FBXL3: variants seen among roughly 807,000 people sequenced by gnomAD.
The protein encoded by FBXL3 is F-box and leucine rich repeat protein 3.
Under a neutral mutation model 37.9 loss-of-function variants are expected in FBXL3, and 14 were observed. The observed-to-expected ratio is 0.37, with a 90% confidence interval of 0.24 to 0.58. FBXL3 has a LOEUF of 0.58. Ranked by LOEUF, FBXL3 falls within the 20% of genes least tolerant of loss-of-function variation. FBXL3 has a pLI of 0.74. For synonymous variants in FBXL3, 194 were observed against 180.1 expected, an observed-to-expected ratio of 1.08 and a Z score of -0.62; for missense variants, 327 against 511.1, an observed-to-expected ratio of 0.64 and a Z score of 3.47.
Position 77,021,520 on chromosome 13 carries a change from C to G in FBXL3, c.341G>C (p.Ser114Thr), listed in dbSNP as rs2034743342. The change falls in exon 2 of 5, where the codon AGC (serine) becomes ACC (threonine). Residue 114 changes from serine (S) to threonine (T), a missense_variant. Physicochemically the swap from Ser to Thr is moderately conservative, Grantham distance 58 (BLOSUM62 1). Transcript: ENST00000355619. ...AAGGATTTAAAATATTACCTTGAAGCTGACATATTGTAGATGGTTTGAATG... is the reference window on the plus strand; with the variant it reads ...AAGGATTTAAAATATTACCTTGAAGGTGACATATTGTAGATGGTTTGAATG... ...KRHSNHLQYVSFKVDSSKESA... is the reference protein window; with the variant it reads ...KRHSNHLQYVTFKVDSSKESA... 3 of 1,601,320 alleles carry G rather than the reference C, an allele frequency of 1.9e-6. No homozygotes were observed. The South Asian group carries it at 3.3e-5, about 18-fold the overall frequency.
At chr13:77,023,435 AATT>A (rs1409793035) in intron 1 of FBXL3, among the ~76,000 whole-genome samples, 1 of 152,146 alleles carries the variant, frequency 6.6e-6, no homozygotes, top group Non-Finnish European at 1.5e-5. Flanking sequence ...AGACTCACTG[AATT>A]ATTATAGTAA....
At chr13:77,020,436 GGGA>G (rs950328139) in intron 2 of FBXL3, among the ~76,000 whole-genome samples, 1 of 152,236 alleles carries the variant, frequency 6.6e-6, no homozygotes, top group African/African-American at 2.4e-5. Flanking sequence ...GGACAGACAT[GGGA>G]GAATAAGCAG....
chr13:77,021,646 A>G lies in FBXL3; in HGVS notation c.215T>C (p.Met72Thr), dbSNP rs1285430756. ...TTCAAAACATCTCCACAAGTCAGGC[A>G]TGTGAAATACCTGGTTCCAGTTGCG... is the stretch of plus-strand genomic sequence containing the variant. ...VCRNWNQVFHMPDLWRCFEFE... is the reference protein window; with the variant it reads ...VCRNWNQVFHTPDLWRCFEFE... Residue 72 changes from methionine to threonine, a missense_variant, in exon 2 of 5, where the codon ATG becomes ACG. Coordinates refer to ENST00000355619, the MANE Select transcript of FBXL3 (RefSeq NM_012158.4). 4.3e-6 allele frequency: 7 copies of G among 1,614,172 alleles called. No individual in the cohort carries two copies. Among genetic ancestry groups the G allele is most frequent in the Non-Finnish European group, 5.9e-6 (7 of 1,180,024 alleles).
rs1306236878 is a variant in FBXL3 at position 77,021,962 on chromosome 13, A to C, written c.-1-101T>G. 3.2e-6 allele frequency: 3 copies of C among 936,002 alleles called. No homozygotes were observed. The African/African-American group carries it at 4.9e-5, about 15-fold the overall frequency. The allele number at this position is 936,002 out of a possible 1,614,324, so 58.0% of individuals were successfully genotyped here. On this transcript the variant is annotated intron_variant, in intron 1 of 4. Coordinates refer to ENST00000355619, the MANE Select transcript of FBXL3 (RefSeq NM_012158.4). ...CACTGAGATGTGTGTTTATATACACAAACATGCAGGAAAAACTGGATCAGT... is the reference window on the plus strand; with the variant it reads ...CACTGAGATGTGTGTTTATATACACCAACATGCAGGAAAAACTGGATCAGT...
At chr13:77,015,603 T>A (rs1249251716) in intron 3 of FBXL3, 23 bp from the exon 4 acceptor site, 2 of 1,439,034 alleles carry the variant, frequency 1.4e-6, no homozygotes, top group East Asian at 2.6e-5. Context: ...AAAAATAAAA[T>A]AAAAATTATT....
At chr13:77,016,305 G>A (rs1193947027) in intron 3 of FBXL3, 1 of 152,174 alleles carries the variant, frequency 6.6e-6, no homozygotes, top group Admixed American at 6.5e-5. Flanking sequence ...AGGAATCAAT[G>A]TAGGCAAACA....
intron 1 of FBXL3, among the ~76,000 whole-genome samples, chr13:77,024,045 G>C (rs1299269306): frequency 6.6e-6 from 1 of 152,160 alleles, no homozygotes; most frequent in Non-Finnish European, 1.5e-5. Flanking sequence ...GAACAAGAGA[G>C]AAAATAGAAT....
At chr13:77,023,054 T>C (rs984643098) in intron 1 of FBXL3, among the ~76,000 whole-genome samples, 6 of 152,166 alleles carry the variant, frequency 3.9e-5, no homozygotes, top group African/African-American at 1.4e-4. Context: ...AGGAAAGCAG[T>C]CCAGCATTAA....
chr13:77,022,336 G>T (rs1350192204), intron 1 of FBXL3, among the ~76,000 whole-genome samples: 2 of 152,116 alleles, frequency 1.3e-5, no homozygotes, highest in East Asian at 3.9e-4. Flanking sequence ...TCTATACAGG[G>T]GTCCTGTGGT....
chr13:77,020,605 G>GGTTT (rs11435764), intron 2 of FBXL3, among the ~76,000 whole-genome samples: 11 of 149,380 alleles, frequency 7.4e-5, no homozygotes, highest in African/African-American at 2.7e-4. Context: ...TTCATGCATT[G>GGTTT]TTTTTTTTTT....
In FBXL3 at chr13:77,021,784, GTCC is replaced by G. The variant is rs779463445; in HGVS notation, c.74_76del (p.Arg25del). The G allele has an allele frequency of 1.2e-6, 2 of 1,613,704 alleles. No homozygotes were observed. The highest frequency in any genetic ancestry group is 4.5e-5 in the East Asian group (2 of 44,882). On this transcript the variant is annotated inframe_deletion, in exon 2 of 5. Transcript: ENST00000355619. ...ACAAGTCTGAGAATGCTCATTTGTA[GTCC>G]TCAGTTTCTTGGATTTCTCTGCAGT...
chr13:77,015,295 A>G, intron 4 of FBXL3, 114 bp downstream of exon 4: 1 of 656,918 alleles, frequency 1.5e-6, no homozygotes, highest in Admixed American at 3.5e-5. Context: ...AAATATTTTA[A>G]AGAGATGAAG....
Position 77,010,656 on chromosome 13 carries a change from C to T in FBXL3, c.644-2868G>A, listed in dbSNP as rs79436299. 1.1e-4 allele frequency: 16 copies of T among 152,348 alleles called. No individual in the cohort carries two copies. The East Asian group carries it at 3.1e-3, about 29-fold the overall frequency. The allele number at this position is 152,348 out of a possible 1,614,324, so 9.4% of individuals were successfully genotyped here. A position where few individuals can be genotyped will look rare whatever the true frequency, so the allele number is the denominator to read the frequency against. On this transcript the variant is annotated intron_variant, in intron 4 of 4. Coordinates refer to ENST00000355619, the MANE Select transcript of FBXL3 (RefSeq NM_012158.4). The stretch of plus-strand genomic sequence containing the variant: ...CAGCCTCTAAGAGCAGAAAGACCCC[C>T]TAACAGCCTCCTGCTGACAGCCAAT...
intron 4 of FBXL3, 89 bp from the exon 5 acceptor site, chr13:77,007,877 TCA>T (rs2034480998): frequency 9.9e-6 from 11 of 1,115,092 alleles, no homozygotes; most frequent in Non-Finnish European, 1.4e-5. Context: ...CAAAAGTTTG[TCA>T]CAGTTCCCTT....
chr13:77,022,522 C>T (rs573868304), intron 1 of FBXL3, among the ~76,000 whole-genome samples: 4 of 152,254 alleles, frequency 2.6e-5, no homozygotes, highest in Non-Finnish European at 5.9e-5. Flanking sequence ...ACTCTTAATG[C>T]CTGATGATCT....
At position 77,024,858 on chromosome 13, in the gene FBXL3, T is replaced by C. The variant is rs112233298; in HGVS notation, c.-2+1969A>G. Reference sequence around the variant, plus strand: ...GTTACAATTATAGTGCATTAAGCAATTGAAAAAAATGTAAGGCCAAATTCC... The same window carrying C: ...GTTACAATTATAGTGCATTAAGCAACTGAAAAAAATGTAAGGCCAAATTCC... On this transcript the variant is annotated intron_variant, in intron 1 of 4. Transcript: ENST00000355619. Among the ~76,000 whole-genome samples, 22 of 152,286 alleles carry C rather than the reference T, an allele frequency of 1.4e-4. 1 individual carries two copies. Among genetic ancestry groups the C allele is most frequent in the East Asian group, 3.9e-4 (2 of 5,180 alleles).
chr13:77,024,869 G>A (rs2034809378), intron 1 of FBXL3, among the ~76,000 whole-genome samples: 1 of 152,126 alleles, frequency 6.6e-6, no homozygotes, highest in African/African-American at 2.4e-5. Flanking sequence ...TGAAAAAAAT[G>A]TAAGGCCAAA....
At chr13:77,020,549 T>C (rs1378776129) in intron 2 of FBXL3, among the ~76,000 whole-genome samples, 2 of 151,784 alleles carry the variant, frequency 1.3e-5, no homozygotes, top group Non-Finnish European at 2.9e-5. Context: ...TGCCTAGGTT[T>C]AGCCTGGACT....
At chr13:77,021,995 G>A (rs1015533702) in intron 1 of FBXL3, 134 bp from the exon 2 acceptor site, 16 of 710,726 alleles carry the variant, frequency 2.3e-5, no homozygotes, top group Non-Finnish European at 3.5e-5. Context: ...AGTAATTCAA[G>A]AATACCAAAA....
Sources: gnomAD v4.1 joint callset for allele counts (sites outside exome capture counted in the v4.1 genomes callset) on GRCh38, gnomAD v4.1.1 for gene constraint, MANE v1.5 for transcripts, NCBI Gene and HGNC (gene_info 2026-07-23, HGNC 2026-07-21) for gene names.